Variants in KAZN observed in about 807,000 individuals in gnomAD.
KAZN encodes kazrin.
A neutral mutation model predicts 87.4 loss-of-function variants in KAZN; 40 were observed. The observed-to-expected ratio is 0.46, with a 90% CI of 0.36 to 0.60. The LOEUF is 0.60. KAZN is among the 20% of genes least tolerant of loss of function. The pLI, the probability that KAZN is intolerant of heterozygous loss-of-function variation, is 0.00. For synonymous variants in KAZN, 466 were observed against 458.3 expected (o/e 1.02, Z -0.22); for missense variants, 898 against 1,073.9 (o/e 0.84, Z 2.29).
At chr1:14,549,629 A>G (rs4072665) in intron 2 of KAZN, among the ~76,000 whole-genome samples, 54,231 of 125,108 alleles carry the variant, frequency 0.43, 10,115 homozygotes, top group Middle Eastern at 0.56. Context: ...TTTTTTTTTT[A>G]TTCAGGACAA....
At chr1:14,459,268 T>TGG (rs955792491) in intron 2 of KAZN, among the ~76,000 whole-genome samples, 11 of 152,072 alleles carry the variant, frequency 7.2e-5, no homozygotes, top group African/African-American at 2.7e-4. Flanking sequence ...CGCGTGTGTG[T>TGG]GTGTGTGTGT....
At chr1:14,095,921 A>G (rs1189065727) in intron 1 of KAZN, among the ~76,000 whole-genome samples, 2 of 152,198 alleles carry the variant, frequency 1.3e-5, no homozygotes, top group Admixed American at 6.5e-5. Context: ...AAGAGCATCA[A>G]ATAATTTATA....
At chr1:15,041,574 T>A (rs1573152138) in intron 3 of KAZN, among the ~76,000 whole-genome samples, 1 of 151,892 alleles carries the variant, frequency 6.6e-6, no homozygotes, top group Non-Finnish European at 1.5e-5. Flanking sequence ...CGACCTCAGG[T>A]GATCCATCCA....
chr1:14,898,410 C>T (rs1466460536), intron 1 of KAZN, among the ~76,000 whole-genome samples: 1 of 152,134 alleles, frequency 6.6e-6, no homozygotes, highest in Non-Finnish European at 1.5e-5. Context: ...GTGGCAAGAG[C>T]GAGATACAGT....
chr1:14,500,821 G>T (rs1420894947), intron 2 of KAZN, among the ~76,000 whole-genome samples: 1 of 152,088 alleles, frequency 6.6e-6, no homozygotes, highest in African/African-American at 2.4e-5. Flanking sequence ...TATGCACATT[G>T]TATGTCAACA....
intron 2 of KAZN, among the ~76,000 whole-genome samples, chr1:14,512,918 G>T (rs1158531233): frequency 6.6e-6 from 1 of 152,190 alleles, no homozygotes; most frequent in Non-Finnish European, 1.5e-5. Flanking sequence ...GAGAGAAGTA[G>T]CGTCCCTCTC....
chr1:14,299,504 C>CA (rs1394353872), intron 2 of KAZN, among the ~76,000 whole-genome samples: 4 of 151,836 alleles, frequency 2.6e-5, no homozygotes, highest in African/African-American at 7.2e-5. Context: ...AAGACTGTCT[C>CA]AAAAAAAGAA....
Position 14,698,445 on chromosome 1 carries a change from G to A in KAZN, c.226+99222G>A, listed in dbSNP as rs143087001. On this transcript the variant is annotated intron_variant, in intron 1 of 14. Coordinates refer to ENST00000376030, the MANE Select transcript of KAZN (RefSeq NM_201628.3). ...GCCACGCAGATTCTGCTGATTTGCC[G>A]TTGGGGTCAGGTGGCTTGCTGCTTC... Among the ~76,000 whole-genome samples the A allele has an allele frequency of 2.8e-3, 433 of 152,334 alleles. 10 individuals are homozygous for A. The East Asian group carries it at 0.032, about 11-fold the overall frequency.
intron 2 of KAZN, among the ~76,000 whole-genome samples, chr1:14,993,838 C>T (rs889616764): frequency 6.6e-6 from 1 of 152,088 alleles, no homozygotes; most frequent in African/African-American, 2.4e-5. Context: ...AACTTTGAGC[C>T]GTAATGACCC....
At chr1:14,461,585 A>C (rs995596107) in intron 2 of KAZN, among the ~76,000 whole-genome samples, 1 of 152,186 alleles carries the variant, frequency 6.6e-6, no homozygotes, top group Non-Finnish European at 1.5e-5. Context: ...GGACTAATAC[A>C]GAGGGATAAG....
intron 2 of KAZN, among the ~76,000 whole-genome samples, chr1:14,243,201 C>T (rs1649137613): frequency 6.6e-6 from 1 of 152,158 alleles, no homozygotes; most frequent in African/African-American, 2.4e-5. Context: ...GGGCTCTCTC[C>T]AGAAACCCAG....
At chr1:14,440,172 C>T (rs1000075137) in intron 2 of KAZN, among the ~76,000 whole-genome samples, 1 of 152,178 alleles carries the variant, frequency 6.6e-6, no homozygotes, top group African/African-American at 2.4e-5. Context: ...AGAATTCAGC[C>T]ACAAAGAAGG....
At chr1:14,761,679 C>T (rs1353298847) in intron 1 of KAZN, among the ~76,000 whole-genome samples, 1 of 152,176 alleles carries the variant, frequency 6.6e-6, no homozygotes, top group South Asian at 2.1e-4. Flanking sequence ...TTCTCCTTCC[C>T]TGTCAATTAT....
intron 1 of KAZN, among the ~76,000 whole-genome samples, chr1:14,704,975 C>T (rs1372448229): frequency 6.6e-6 from 1 of 152,210 alleles, no homozygotes; most frequent in African/African-American, 2.4e-5. Flanking sequence ...CCAGTTAGTG[C>T]ACTATCTAGC....
chr1:14,637,102 G>A (rs542821204), intron 1 of KAZN, among the ~76,000 whole-genome samples: 1 of 152,252 alleles, frequency 6.6e-6, no homozygotes, highest in East Asian at 1.9e-4. Flanking sequence ...TCCTGTGGTT[G>A]GCCGTTGCAT....
At chr1:14,837,108 T>A (rs148159546) in intron 1 of KAZN, among the ~76,000 whole-genome samples, 16 of 152,356 alleles carry the variant, frequency 1.1e-4, no homozygotes, top group East Asian at 1.9e-4. Flanking sequence ...TTTAATTTTT[T>A]AAAAAATTTT....
At chr1:14,772,816 A>G (rs1257163355) in intron 1 of KAZN, among the ~76,000 whole-genome samples, 2 of 152,172 alleles carry the variant, frequency 1.3e-5, no homozygotes, top group African/African-American at 4.8e-5. Flanking sequence ...TCTGAAGGTC[A>G]CATTCCTCAA....
At chr1:14,451,846 A>C (rs1236054528) in intron 2 of KAZN, among the ~76,000 whole-genome samples, 1 of 152,208 alleles carries the variant, frequency 6.6e-6, no homozygotes, top group Non-Finnish European at 1.5e-5. Flanking sequence ...GAAGACAGTC[A>C]GGTAGACTGA....
intron 1 of KAZN, among the ~76,000 whole-genome samples, chr1:14,048,394 T>A (rs1354552857): frequency 3.5e-5 from 2 of 57,418 alleles, no homozygotes; most frequent in Admixed American, 2.9e-4. Flanking sequence ...CTAAAATACT[T>A]CTTTTTTTTT....
Sources: gnomAD v4.1 joint callset for allele counts (sites outside exome capture counted in the v4.1 genomes callset) on GRCh38, gnomAD v4.1.1 for gene constraint, MANE v1.5 for transcripts, NCBI Gene and HGNC (gene_info 2026-07-23, HGNC 2026-07-21) for gene names.